DPP6: variants seen among roughly 807,000 people sequenced by gnomAD.
The protein encoded by DPP6 is dipeptidyl peptidase like 6.
Under a neutral mutation model 122.6 loss-of-function variants are expected in DPP6, and 69 were observed. The observed-to-expected ratio is 0.56, with a 90% CI of 0.46 to 0.69. The LOEUF is 0.69. DPP6 is among the 30% of genes least tolerant of loss of function. DPP6 has a pLI of 0.00. For missense variants in DPP6, 928 were observed against 1,116.9 expected, an observed-to-expected ratio of 0.83 and a Z score of 2.41; for synonymous variants, 418 against 433.1, an observed-to-expected ratio of 0.97 and a Z score of 0.43.
chr7:154,552,636 C>A (rs75452011), intron 4 of DPP6, among the ~76,000 whole-genome samples: 1 of 152,130 alleles, frequency 6.6e-6, no homozygotes, highest in African/African-American at 2.4e-5. Context: ...GCTGAAATAA[C>A]GTGATAAAAG....
At chr7:154,337,287 A>C (rs903004745) in intron 1 of DPP6, among the ~76,000 whole-genome samples, 1 of 152,050 alleles carries the variant, frequency 6.6e-6, no homozygotes, top group Non-Finnish European at 1.5e-5. Flanking sequence ...GGTGGTACCC[A>C]CACACATCTG....
chr7:154,591,618 C>T (rs1410453087), intron 5 of DPP6, among the ~76,000 whole-genome samples: 3 of 152,112 alleles, frequency 2.0e-5, no homozygotes, highest in Non-Finnish European at 2.9e-5. Flanking sequence ...CCATGGGTCC[C>T]GCCCAGCTGC....
rs974480839 is a variant in DPP6 at position 154,606,957 on chromosome 7, G to A, written c.628-30864G>A. Among the ~76,000 whole-genome samples, 6 of 121,192 alleles carry A rather than the reference G, an allele frequency of 5.0e-5. 2 individuals carry two copies. The highest frequency in any genetic ancestry group is 2.8e-4 in the Admixed American group (3 of 10,896). 79.5% of individuals were successfully genotyped at this position (121,192 alleles called of 152,430 possible). ...AGATACAGCATTCAACCACAACTGC[G>A]TAAGATTAACTGTGGTGCATACTGT... On this transcript the variant is annotated intron_variant, in intron 5 of 25. Transcript: ENST00000377770.
At chr7:154,550,010 A>G (rs1162021311) in intron 4 of DPP6, among the ~76,000 whole-genome samples, 1 of 152,194 alleles carries the variant, frequency 6.6e-6, no homozygotes, top group African/African-American at 2.4e-5. Flanking sequence ...ATGTTTTGCT[A>G]TAGTATTGTT....
rs114111293 is a variant in DPP6, at chr7:154,887,368, A to T, written c.2246-308A>T. On this transcript the variant is annotated intron_variant, in intron 22 of 25. Coordinates refer to ENST00000377770, the MANE Select transcript of DPP6 (RefSeq NM_130797.4). Reference sequence around the variant, plus strand: ...TTCCTAAGTGTTGAAGGAGGAGGTTATCCTACTTATTTAGGAATCAGATTA... The same window carrying T: ...TTCCTAAGTGTTGAAGGAGGAGGTTTTCCTACTTATTTAGGAATCAGATTA... Among the ~76,000 whole-genome samples the T allele has an allele frequency of 1.3e-3, 195 of 152,324 alleles. 1 individual carries two copies. The highest frequency in any genetic ancestry group is 4.4e-3 in the African/African-American group (183 of 41,566).
intron 1 of DPP6, among the ~76,000 whole-genome samples, chr7:154,133,485 G>T (rs966737859): frequency 6.6e-6 from 1 of 152,148 alleles, no homozygotes; most frequent in African/African-American, 2.4e-5. Context: ...GGAGAGAGGG[G>T]ATAAATGAGG....
At chr7:153,933,285 T>G (rs991277281) in intron 1 of DPP6, among the ~76,000 whole-genome samples, 3 of 152,192 alleles carry the variant, frequency 2.0e-5, no homozygotes, top group African/African-American at 7.2e-5. Flanking sequence ...CATGAAAATT[T>G]ATATTAAATT....
intron 1 of DPP6, among the ~76,000 whole-genome samples, chr7:154,188,386 C>T (rs1446099119): frequency 6.6e-6 from 1 of 152,036 alleles, no homozygotes; most frequent in African/African-American, 2.4e-5. Context: ...TAATAAGACA[C>T]AGTCCTTATC....
intron 1 of DPP6, among the ~76,000 whole-genome samples, chr7:153,928,915 C>T (rs181189525): frequency 1.5e-4 from 23 of 152,060 alleles, no homozygotes; most frequent in Admixed American, 1.4e-3. Flanking sequence ...AGACCCTGGA[C>T]GGGAAGTCTC....
intron 25 of DPP6, among the ~76,000 whole-genome samples, chr7:154,891,671 C>G (rs796941046): frequency 6.6e-6 from 1 of 152,058 alleles, no homozygotes; most frequent in Non-Finnish European, 1.5e-5. Flanking sequence ...CAGCAACCTC[C>G]GCCTCCTGGG....
At chr7:153,945,564 AAG>A (rs1801911077) in intron 1 of DPP6, among the ~76,000 whole-genome samples, 1 of 152,184 alleles carries the variant, frequency 6.6e-6, no homozygotes, top group South Asian at 2.1e-4. Context: ...GTATAAGAAT[AAG>A]AGGCACAGGG....
chr7:154,630,474 T>A (rs552793424), intron 5 of DPP6, among the ~76,000 whole-genome samples: 1 of 152,326 alleles, frequency 6.6e-6, no homozygotes, highest in South Asian at 2.1e-4. Flanking sequence ...TTCCAATATT[T>A]TTCTGTGGAA....
the DPP6 span, among the ~76,000 whole-genome samples, chr7:153,754,898 G>GT: frequency 0.022 from 3,177 of 142,608 alleles, 102 homozygotes; most frequent in African/African-American, 0.07. Flanking sequence ...TGCTTGGATT[G>GT]TTTTTTTTTT....
intron 1 of DPP6, among the ~76,000 whole-genome samples, chr7:154,320,484 T>G (rs78697830): frequency 0.019 from 2,860 of 151,698 alleles, 84 homozygotes; most frequent in African/African-American, 0.057. Flanking sequence ...TGTTTTTTTT[T>G]TTGTTGTTGT....
chr7:154,794,041 T>C, intron 10 of DPP6, 38 bp from the exon 11 acceptor site: 1 of 1,597,560 alleles, frequency 6.3e-7, no homozygotes, highest in Non-Finnish European at 8.6e-7. Context: ...CGTGCGGGGG[T>C]CCTGCCAAGC....
chr7:154,004,852 T>TA (rs1469475875), intron 1 of DPP6, among the ~76,000 whole-genome samples: 1 of 152,252 alleles, frequency 6.6e-6, no homozygotes, highest in Non-Finnish European at 1.5e-5. Context: ...TTCTCATAGA[T>TA]ATGCATATGG....
At chr7:154,713,511 G>T (rs1023969546) in intron 7 of DPP6, among the ~76,000 whole-genome samples, 1 of 152,204 alleles carries the variant, frequency 6.6e-6, no homozygotes, top group African/African-American at 2.4e-5. Flanking sequence ...CTAGGTGGAG[G>T]TTCCCAAACC....
At chr7:154,558,112 C>G (rs566950473) in intron 4 of DPP6, among the ~76,000 whole-genome samples, 8 of 152,014 alleles carry the variant, frequency 5.3e-5, no homozygotes, top group Admixed American at 1.3e-4. Context: ...CTCCACCCCC[C>G]CACAGGCCCC....
intron 6 of DPP6, among the ~76,000 whole-genome samples, chr7:154,656,178 G>A: frequency 6.9e-6 from 1 of 145,780 alleles, no homozygotes; most frequent in Non-Finnish European, 1.5e-5. Context: ...GAGGTGGGGG[G>A]AGAGCTGGGA....
Sources: gnomAD v4.1 joint callset for allele counts (sites outside exome capture counted in the v4.1 genomes callset) on GRCh38, gnomAD v4.1.1 for gene constraint, MANE v1.5 for transcripts, NCBI Gene and HGNC (gene_info 2026-07-23, HGNC 2026-07-21) for gene names.